CCDC3: variants seen among roughly 807,000 people sequenced by gnomAD.
CCDC3 encodes coiled-coil domain containing 3.
Under a neutral mutation model 21.4 loss-of-function variants are expected in CCDC3, and 24 were observed. That is an observed-to-expected ratio of 1.12 (90% CI 0.81 to 1.58). The LOEUF (loss-of-function observed/expected upper bound fraction) is 1.58. Among genes scored for constraint, CCDC3 ranks in the 40% most tolerant of loss-of-function variants. The probability of loss-of-function intolerance (pLI) is 0.00; values close to 1 mark genes in which losing one functional copy is unlikely to be tolerated. For synonymous variants in CCDC3, 186 were observed against 166.0 expected (o/e 1.12, Z -0.93); for missense variants, 425 against 360.9 (o/e 1.18, Z -1.44).
intron 2 of CCDC3, 70 bp from the exon 3 acceptor site, chr10:12,898,749 C>T: frequency 6.5e-7 from 1 of 1,546,850 alleles, no homozygotes; most frequent in South Asian, 1.2e-5. Context: ...AGGGGAGTCC[C>T]AGAAGCTTCC....
At chr10:13,093,341 T>C (rs1832598623) in intron 3 of CCDC3, among the ~76,000 whole-genome samples, 1 of 152,008 alleles carries the variant, frequency 6.6e-6, no homozygotes, top group Non-Finnish European at 1.5e-5. Context: ...TTCACTACCA[T>C]GAGAACAGTA....
intron 2 of CCDC3, among the ~76,000 whole-genome samples, chr10:12,961,026 G>A (rs1835171870): frequency 6.6e-6 from 1 of 152,198 alleles, no homozygotes; most frequent in Non-Finnish European, 1.5e-5. Flanking sequence ...CAACAACAGG[G>A]AAGAGGCCAA....
intron 2 of CCDC3, among the ~76,000 whole-genome samples, chr10:12,959,238 G>A (rs1425218681): frequency 6.6e-6 from 1 of 151,540 alleles, no homozygotes; most frequent in Non-Finnish European, 1.5e-5. Flanking sequence ...TGCAATCTCA[G>A]CTCACTGCAA....
rs965643043 is a variant in CCDC3 at position 13,001,107 on chromosome 10, C to A, written c.374+90G>T. 7.5e-6 allele frequency: 11 copies of A among 1,458,946 alleles called. No individual in the cohort carries two copies. In the African/African-American group the frequency reaches 1.3e-4, roughly 17 times the overall value. 90.4% of individuals were successfully genotyped at this position (1,458,946 alleles called of 1,614,324 possible). A position where few individuals can be genotyped will look rare whatever the true frequency, so the allele number is the denominator to read the frequency against. ...TCTCACTTGACACCGACAGGCTGCC[C>A]GGGGAGTTACCGGCCTGGCTCTAGG... On this transcript the variant is annotated intron_variant, in intron 1 of 2. Coordinates refer to ENST00000378825, the MANE Select transcript of CCDC3 (RefSeq NM_031455.4).
Position 12,942,053 on chromosome 10 carries a change from G to A in CCDC3, c.550-43374C>T, listed in dbSNP as rs1488425796. 2.6e-5 allele frequency among the ~76,000 whole-genome samples: 4 copies of A among 152,262 alleles called. No individual in the cohort carries two copies. The East Asian group carries it at 5.8e-4, about 22-fold the overall frequency. On this transcript the variant is annotated intron_variant, in intron 2 of 2. Transcript: ENST00000378825. ...GTAAATGATAGTAATTAAGCCAGAA[G>A]TCTATGCTCTATGCCTTTGAGATGT...
intron 5 of CCDC3, among the ~76,000 whole-genome samples, chr10:13,010,102 G>A (rs1835967459): frequency 6.6e-6 from 1 of 152,040 alleles, no homozygotes; most frequent in South Asian, 2.1e-4. Context: ...ACAAAAATTA[G>A]CAGGGTGTGG....
At chr10:13,042,919 AAAAAAAAAG>A (rs1283973448) in intron 5 of CCDC3, among the ~76,000 whole-genome samples, 3 of 149,752 alleles carry the variant, frequency 2.0e-5, no homozygotes, top group Non-Finnish European at 4.5e-5. Flanking sequence ...AAAAAAAAAA[AAAAAAAAAG>A]AAAAGAAAAA....
intron 5 of CCDC3, among the ~76,000 whole-genome samples, chr10:13,038,091 A>G (rs193114111): frequency 5.3e-5 from 8 of 152,334 alleles, no homozygotes; most frequent in Admixed American, 5.2e-4. Flanking sequence ...TGTTATCCTC[A>G]GCAAACTAAT....
upstream of CCDC3, among the ~76,000 whole-genome samples, chr10:13,005,848 A>G (rs1319509853): frequency 6.6e-6 from 1 of 152,220 alleles, no homozygotes; most frequent in East Asian, 1.9e-4. Flanking sequence ...TGAATTCAAA[A>G]AGCATTTTTA....
chr10:13,012,237 A>G (rs1427243029), intron 5 of CCDC3, among the ~76,000 whole-genome samples: 1 of 152,232 alleles, frequency 6.6e-6, no homozygotes, highest in East Asian at 1.9e-4. Context: ...AAAAGAAACT[A>G]TCAACAGAGT....
At chr10:12,975,555 G>A (rs530879512) in intron 2 of CCDC3, among the ~76,000 whole-genome samples, 42 of 152,314 alleles carry the variant, frequency 2.8e-4, no homozygotes, top group Non-Finnish European at 5.1e-4. Flanking sequence ...CCGGTTCCAG[G>A]ACTTGCAAGC....
At chr10:12,971,299 T>G (rs924543779) in intron 2 of CCDC3, among the ~76,000 whole-genome samples, 8 of 152,244 alleles carry the variant, frequency 5.3e-5, no homozygotes, top group African/African-American at 1.9e-4. Flanking sequence ...AGAACATGCA[T>G]GTGGCTTCTA....
chr10:13,063,218 T>C (rs1192278321), intron 4 of CCDC3, among the ~76,000 whole-genome samples: 1 of 71,818 alleles, frequency 1.4e-5, no homozygotes, highest in Non-Finnish European at 2.8e-5. Flanking sequence ...TTACTCTTTC[T>C]CTATTGCAGT....
chr10:12,992,574 T>G (rs1327625013), intron 2 of CCDC3, among the ~76,000 whole-genome samples: 2 of 152,154 alleles, frequency 1.3e-5, no homozygotes, highest in African/African-American at 2.4e-5. Flanking sequence ...AAACATTTTA[T>G]GTTCTCACTC....
chr10:13,082,324 C>T (rs748736883), intron 3 of CCDC3, among the ~76,000 whole-genome samples: 30 of 152,310 alleles, frequency 2.0e-4, no homozygotes, highest in Non-Finnish European at 3.5e-4. Flanking sequence ...ACAGCCAAGG[C>T]GGAGAGAGAG....
chr10:13,009,688 T>C (rs1835962549), intron 5 of CCDC3, among the ~76,000 whole-genome samples: 1 of 152,154 alleles, frequency 6.6e-6, no homozygotes, highest in Non-Finnish European at 1.5e-5. Flanking sequence ...AGAACGACCT[T>C]TTGAACAAAT....
At chr10:12,936,446 C>T (rs1307881339) in intron 2 of CCDC3, among the ~76,000 whole-genome samples, 2 of 152,006 alleles carry the variant, frequency 1.3e-5, no homozygotes, top group African/African-American at 4.8e-5. Context: ...GCAGCCTTGA[C>T]CTCCCTGGGC....
chr10:13,023,160 CGCT>C (rs1273648471), intron 5 of CCDC3, among the ~76,000 whole-genome samples: 1 of 151,670 alleles, frequency 6.6e-6, no homozygotes, highest in Admixed American at 6.6e-5. Flanking sequence ...AGATATTTAA[CGCT>C]GCTATTGTAC....
At chr10:12,909,128 G>A (rs1834223779) in intron 2 of CCDC3, among the ~76,000 whole-genome samples, 1 of 152,170 alleles carries the variant, frequency 6.6e-6, no homozygotes. Context: ...GCCTCTGCTT[G>A]TTTAGTCAAA....
Sources: gnomAD v4.1 joint callset for allele counts (sites outside exome capture counted in the v4.1 genomes callset) on GRCh38, gnomAD v4.1.1 for gene constraint, MANE v1.5 for transcripts, NCBI Gene and HGNC (gene_info 2026-07-23, HGNC 2026-07-21) for gene names.